Variants in NARS2 observed in about 807,000 individuals in gnomAD.
The protein encoded by NARS2 is asparaginyl-tRNA synthetase.
Under a neutral mutation model 62.9 loss-of-function variants are expected in NARS2, and 60 were observed. The observed-to-expected ratio is 0.95, with a 90% CI of 0.77 to 1.18. The LOEUF (loss-of-function observed/expected upper bound fraction) is 1.18. Among genes scored for constraint, NARS2 ranks in the 50% most tolerant of loss-of-function variants. The pLI is 0.00. For synonymous variants in NARS2, 196 were observed against 200.0 expected (o/e 0.98, Z 0.17); for missense variants, 619 against 576.4 (o/e 1.07, Z -0.76).
chr11:78,572,087 C>T (rs950821303), intron 1 of NARS2, among the ~76,000 whole-genome samples: 3 of 152,124 alleles, frequency 2.0e-5, no homozygotes, highest in African/African-American at 7.2e-5. Flanking sequence ...GAGGCTGAGG[C>T]AGGAGAATCG....
intron 6 of NARS2, among the ~76,000 whole-genome samples, chr11:78,499,193 G>A (rs1277815998): frequency 1.3e-5 from 2 of 152,132 alleles, no homozygotes; most frequent in Non-Finnish European, 2.9e-5. Context: ...TGGGATTACA[G>A]GCGTGAGCCA....
intron 4 of NARS2, among the ~76,000 whole-genome samples, chr11:78,564,433 C>T (rs1314066926): frequency 3.7e-4 from 56 of 152,188 alleles, no homozygotes; most frequent in Admixed American, 3.6e-3. Context: ...TCAAAAGATC[C>T]TCCTGCCTCA....
chr11:78,441,961 A>C (rs761590221), intron 12 of NARS2, among the ~76,000 whole-genome samples: 1 of 152,220 alleles, frequency 6.6e-6, no homozygotes, highest in Non-Finnish European at 1.5e-5. Flanking sequence ...ACCACAGTGC[A>C]TCTAATGTGA....
At chr11:78,442,346 G>A (rs1178425902) in intron 12 of NARS2, among the ~76,000 whole-genome samples, 2 of 152,202 alleles carry the variant, frequency 1.3e-5, no homozygotes, top group African/African-American at 4.8e-5. Context: ...AACGAATACA[G>A]TCTTCCTCAA....
At chr11:78,565,678 G>C (rs1856718965) in intron 4 of NARS2, among the ~76,000 whole-genome samples, 1 of 152,138 alleles carries the variant, frequency 6.6e-6, no homozygotes, top group Non-Finnish European at 1.5e-5. Context: ...CCAATGCTAG[G>C]GAAAGAACCA....
At position 78,548,555 on chromosome 11, in the gene NARS2, T is replaced by TG. The variant is rs1351389865; in HGVS notation, c.594+10983dup. ...GCTAGTGCTTACATCAGCCTGCTTC[T>TG]GCACACTGTTTTACCTATTTTGGAT... On this transcript the variant is annotated intron_variant, in intron 5 of 13. Coordinates refer to ENST00000281038, the MANE Select transcript of NARS2 (RefSeq NM_024678.6). Among the ~76,000 whole-genome samples, 3 of 152,248 alleles carry TG rather than the reference T, an allele frequency of 2.0e-5. No individual in the cohort carries two copies. The East Asian group carries it at 5.8e-4, about 29-fold the overall frequency.
In NARS2 at chr11:78,503,623, T is replaced by A. The variant is rs114495715; in HGVS notation, c.690-10428A>T. 6.2e-3 allele frequency among the ~76,000 whole-genome samples: 941 copies of A among 152,222 alleles called. 7 individuals are homozygous for A. Among genetic ancestry groups the A allele is most frequent in the African/African-American group, 0.021 (879 of 41,538 alleles). ...GAAAGGTAGTATTTCATAAAAAGGG[T>A]ACACTTGCAGAGGCCTATATACTAT... On this transcript the variant is annotated intron_variant, in intron 6 of 13. Coordinates refer to ENST00000281038, the MANE Select transcript of NARS2 (RefSeq NM_024678.6).
chr11:78,556,040 G>A (rs1420463913), intron 5 of NARS2, among the ~76,000 whole-genome samples: 1 of 152,186 alleles, frequency 6.6e-6, no homozygotes, highest in Middle Eastern at 3.2e-3. Flanking sequence ...GTCTGAGAGT[G>A]TGTTTGGTAT....
intron 12 of NARS2, among the ~76,000 whole-genome samples, chr11:78,442,373 C>G (rs1857602082): frequency 6.6e-6 from 1 of 152,186 alleles, no homozygotes; most frequent in African/African-American, 2.4e-5. Context: ...TTATCCATCC[C>G]CTTTCTTTTG....
At chr11:78,471,427 C>A (rs749480857) in intron 9 of NARS2, among the ~76,000 whole-genome samples, 1 of 152,046 alleles carries the variant, frequency 6.6e-6, no homozygotes, top group Non-Finnish European at 1.5e-5. Context: ...GTCACTTCAA[C>A]GTAGTGAAAG....
intron 6 of NARS2, among the ~76,000 whole-genome samples, chr11:78,515,775 C>T (rs943964815): frequency 2.0e-5 from 3 of 152,194 alleles, no homozygotes; most frequent in East Asian, 3.8e-4. Flanking sequence ...CCTCTTGCCT[C>T]GGCCTCCCAA....
intron 5 of NARS2, among the ~76,000 whole-genome samples, chr11:78,548,177 T>C (rs1855951544): frequency 1.3e-5 from 2 of 152,090 alleles, no homozygotes; most frequent in Non-Finnish European, 2.9e-5. Context: ...ACAGTGCAAG[T>C]GCATGCACTC....
chr11:78,559,759 C>T (rs1856492923), intron 4 of NARS2, 140 bp from the exon 5 acceptor site: 4 of 581,114 alleles, frequency 6.9e-6, no homozygotes, highest in Non-Finnish European at 1.2e-5. Context: ...ATTAAGACTA[C>T]TGAAAATCAG....
chr11:78,476,970 A>T (rs553621150), intron 9 of NARS2, among the ~76,000 whole-genome samples: 2 of 152,314 alleles, frequency 1.3e-5, no homozygotes, highest in African/African-American at 4.8e-5. Flanking sequence ...CTTTGCAGGG[A>T]TTCTCCATCT....
At chr11:78,491,830 T>C (rs928374535) in intron 7 of NARS2, among the ~76,000 whole-genome samples, 3 of 152,138 alleles carry the variant, frequency 2.0e-5, no homozygotes, top group Non-Finnish European at 4.4e-5. Context: ...GACAGGGTAA[T>C]AAAATAATTA....
chr11:78,556,752 T>C (rs116583583), intron 5 of NARS2, among the ~76,000 whole-genome samples: 1,640 of 152,320 alleles, frequency 0.011, 33 homozygotes, highest in African/African-American at 0.039. Context: ...ATTCTTGCCT[T>C]AATCTCTTTT....
Position 78,498,631 on chromosome 11 carries a change from T to C in NARS2, c.690-5436A>G, listed in dbSNP as rs1860154224. 2.0e-5 allele frequency among the ~76,000 whole-genome samples: 3 copies of C among 151,020 alleles called. No individual in the cohort carries two copies. The South Asian group carries it at 6.3e-4, about 32-fold the overall frequency. On this transcript the variant is annotated intron_variant, in intron 6 of 13. Transcript: ENST00000281038. ...CCCCCAGCTTCCACTTTGATTTCAG[T>C]CGTCTCCCAACCTTCCTAGGCCAAT...
intron 7 of NARS2, among the ~76,000 whole-genome samples, chr11:78,479,258 T>C (rs1377352988): frequency 6.6e-6 from 1 of 152,138 alleles, no homozygotes; most frequent in Non-Finnish European, 1.5e-5. Context: ...AAAAATAACA[T>C]AAAACAGCAT....
At chr11:78,474,113 T>C (rs1257160241) in intron 9 of NARS2, among the ~76,000 whole-genome samples, 3 of 152,208 alleles carry the variant, frequency 2.0e-5, no homozygotes, top group Non-Finnish European at 4.4e-5. Flanking sequence ...AATCTTATAA[T>C]ATTTTAAGTA....
Sources: gnomAD v4.1 joint callset for allele counts (sites outside exome capture counted in the v4.1 genomes callset) on GRCh38, gnomAD v4.1.1 for gene constraint, MANE v1.5 for transcripts, NCBI Gene and HGNC (gene_info 2026-07-23, HGNC 2026-07-21) for gene names.